Variants in ERCC2 observed in about 807,000 individuals in gnomAD.
The protein encoded by ERCC2 is ERCC excision repair 2, TFIIH core complex helicase subunit.
ERCC2 carries 90 observed loss-of-function variants against 99.4 expected under a neutral mutation model. The observed-to-expected ratio is 0.91, with a 90% CI of 0.76 to 1.08. The LOEUF (loss-of-function observed/expected upper bound fraction) is 1.08, where lower values mean the gene tolerates loss of function less well. Among genes scored for constraint, ERCC2 ranks in the 50% least tolerant of loss-of-function variants. The probability of loss-of-function intolerance (pLI) is 0.00; values close to 1 mark genes in which losing one functional copy is unlikely to be tolerated. For synonymous variants in ERCC2, 497 were observed against 432.4 expected (o/e 1.15, Z -1.85); for missense variants, 993 against 1,038.1 (o/e 0.96, Z 0.60).
At position 45,351,072 on chromosome 19, in the gene ERCC2, A is replaced by G; in HGVS notation, c.*557T>C. On this transcript the variant is annotated 3_prime_UTR_variant, in exon 23 of 23. Transcript: ENST00000391945. The stretch of plus-strand genomic sequence containing the variant: ...GGAGGCCATGTGGGTAGGTGCAGAG[A>G]TGAGGCAAAGGCAGGGCGGTCGGGC... The G allele has an allele frequency of 6.2e-7, 1 of 1,613,550 alleles. No homozygotes were observed. The highest frequency in any genetic ancestry group is 8.5e-7 in the Non-Finnish European group (1 of 1,179,736).
intron 15 of ERCC2, 86 bp from the exon 16 acceptor site, chr19:45,355,814 C>CTTTT: frequency 7.4e-6 from 5 of 678,412 alleles, no homozygotes; most frequent in South Asian, 1.7e-5. Context: ...CTGTTCTAAG[C>CTTTT]TTTTTTTTTT....
At chr19:45,359,922 G>A (rs3916830) in intron 12 of ERCC2, among the ~76,000 whole-genome samples, 3,103 of 151,392 alleles carry the variant, frequency 0.02, 103 homozygotes, top group African/African-American at 0.069. Context: ...CTATAGGTGC[G>A]TGCCACCACG....
At position 45,352,338 on chromosome 19, in the gene ERCC2, C is replaced by T. The variant is rs1971834210; in HGVS notation, c.2061G>A (p.Gly687=). Residue 687 remains glycine (G), a synonymous_variant, in exon 22 of 23, where the codon GGG becomes GGA. Coordinates refer to ENST00000391945, the MANE Select transcript of ERCC2 (RefSeq NM_000400.4). ...MVFADKRFAR[G]DKRGKLPRWI... Reference sequence around the variant, plus strand: ...AGCGGGGCAGCTTCCCCCGCTTGTCCCCACGGGCAAACCGCTGTGGGCAGA... The same window carrying T: ...AGCGGGGCAGCTTCCCCCGCTTGTCTCCACGGGCAAACCGCTGTGGGCAGA... 7 of 1,614,002 alleles carry T rather than the reference C, an allele frequency of 4.3e-6. No homozygotes were observed. Among genetic ancestry groups the T allele is most frequent in the Non-Finnish European group, 5.1e-6 (6 of 1,180,008 alleles).
intron 11 of ERCC2, among the ~76,000 whole-genome samples, chr19:45,363,396 G>A (rs1972294194): frequency 6.6e-6 from 1 of 152,094 alleles, no homozygotes; most frequent in Non-Finnish European, 1.5e-5. Flanking sequence ...CTCCCTCCCT[G>A]CCGCTGTGGC....
In ERCC2 at chr19:45,357,391, G is replaced by T; in HGVS notation, c.1378-20C>A. 1 of 1,611,382 alleles carries T rather than the reference G, an allele frequency of 6.2e-7. No homozygotes were observed. On this transcript the variant is annotated intron_variant, in intron 14 of 22. Transcript: ENST00000391945. The stretch of plus-strand genomic sequence containing the variant: ...CAGTGTCTGTGGCGGGACAGTGGGA[G>T]GGATCTCAGCAGGACTGGGCAGGGA...
At position 45,350,778 on chromosome 19, in the gene ERCC2, T is replaced by G; in HGVS notation, c.*851A>C. On this transcript the variant is annotated 3_prime_UTR_variant, in exon 23 of 23. Transcript: ENST00000391945. ...TGTTGATCAGGTCGGCAAAGAGCCC[T>G]GACATCAGCAGAATCCACAGCCCAC... is the stretch of plus-strand genomic sequence containing the variant. 6.3e-7 allele frequency: 1 copy of G among 1,581,470 alleles called. No homozygotes were observed. Among genetic ancestry groups the G allele is most frequent in the Non-Finnish European group, 8.6e-7 (1 of 1,160,450 alleles).
In ERCC2 at chr19:45,355,662, T is replaced by A. The variant is rs747830994; in HGVS notation, c.1543+3A>T. On this transcript the variant is annotated splice_donor_region_variant and intron_variant, in intron 16 of 22. Transcript: ENST00000391945. ...ACAGAAACCAGCCCCACTGGCAGCA[T>A]ACCAATATCCTCCCGGGTCTCAAAT... 1 of 1,613,856 alleles carries A rather than the reference T, an allele frequency of 6.2e-7. No individual in the cohort carries two copies. Among genetic ancestry groups the A allele is most frequent in the Non-Finnish European group, 8.5e-7 (1 of 1,179,750 alleles).
intron 17 of ERCC2, 57 bp downstream of exon 17, chr19:45,354,673 C>T: frequency 3.1e-6 from 5 of 1,606,162 alleles, no homozygotes; most frequent in Admixed American, 1.7e-5. Flanking sequence ...GCTGACATAG[C>T]GGTGCAGTGC....
At position 45,370,210 on chromosome 19, in the gene ERCC2, C is replaced by A; in HGVS notation, c.28G>T (p.Val10Phe). The change falls in exon 2 of 23, where the codon GTC becomes TTC. Residue 10 changes from valine to phenylalanine, a missense_variant. By Grantham distance (50) the Val-to-Phe change is conservative (BLOSUM62 -1). Coordinates refer to ENST00000391945, the MANE Select transcript of ERCC2 (RefSeq NM_000400.4). MKLNVDGLL[V>F]YFPYDYIYPE... is the part of the protein sequence containing the mutation. ...TAGATGTAGTCGTACGGGAAGTAGA[C>A]CAGGAGCCCGTCCACGTTGAGCCTG... 6.2e-7 allele frequency: 1 copy of A among 1,613,518 alleles called. No individual in the cohort carries two copies. Among genetic ancestry groups the A allele is most frequent in the South Asian group, 1.1e-5 (1 of 91,072 alleles).
At chr19:45,359,015 C>T in intron 12 of ERCC2, 2 of 635,944 alleles carry the variant, frequency 3.1e-6, no homozygotes, top group Non-Finnish European at 5.7e-6. Flanking sequence ...GGTGACCAAG[C>T]CAGCCTTGCC....
rs238413 is a variant in ERCC2, at chr19:45,354,609, A to G, written c.1665+121T>C. The stretch of plus-strand genomic sequence containing the variant: ...TACACCCCATTCCTACATGCTGCAC[A>G]CACTCTCCTGTCACACAGGAAACCT... On this transcript the variant is annotated intron_variant, in intron 17 of 22. Transcript: ENST00000391945. 1,261,882 of 1,286,442 alleles carry G rather than the reference A, an allele frequency of 0.98. 618,945 individuals are homozygous for G. The highest frequency in any genetic ancestry group is 1 in the East Asian group (42,665 of 42,764). 79.7% of individuals were successfully genotyped at this position (1,286,442 alleles called of 1,614,324 possible). A position where few individuals can be genotyped will look rare whatever the true frequency, so the allele number is the denominator to read the frequency against.
intron 5 of ERCC2, among the ~76,000 whole-genome samples, chr19:45,368,347 C>A (rs754498018): frequency 6.6e-6 from 1 of 152,088 alleles, no homozygotes; most frequent in South Asian, 2.1e-4. Context: ...TCCATAAATA[C>A]TGGGCTAGTA....
chr19:45,355,958 T>G (rs1971999409), intron 15 of ERCC2, among the ~76,000 whole-genome samples: 1 of 152,116 alleles, frequency 6.6e-6, no homozygotes, highest in Admixed American at 6.5e-5. Flanking sequence ...CCCAGTCTGC[T>G]CTAAACTTTT....
chr19:45,350,619 A>G lies in ERCC2; in HGVS notation c.*1010T>C, dbSNP rs1176821842. ...ACTGCATGGGCCTGGGGGACTGAGC[A>G]GCATCCCCGGCCCCTCCCCAGGCCC... On this transcript the variant is annotated 3_prime_UTR_variant, in exon 23 of 23. Coordinates refer to ENST00000391945, the MANE Select transcript of ERCC2 (RefSeq NM_000400.4). The G allele has an allele frequency of 6.2e-7, 1 of 1,612,936 alleles. No individual in the cohort carries two copies. The highest frequency in any genetic ancestry group is 1.7e-5 in the Admixed American group (1 of 60,002).
chr19:45,353,369 A>G (rs748777234), intron 17 of ERCC2, 35 bp from the exon 18 acceptor site: 2 of 1,468,368 alleles, frequency 1.4e-6, no homozygotes, highest in Admixed American at 3.5e-5. Context: ...GGGTGGGTTC[A>G]GGGCACAGCC....
At position 45,350,674 on chromosome 19, in the gene ERCC2, C is replaced by T. The variant is rs373196157; in HGVS notation, c.*955G>A. The stretch of plus-strand genomic sequence containing the variant: ...CCGCAGCAGCTCACTCTCCAAGATC[C>T]GTGAGTCTATCAGGCGAGGAAGTGA... On this transcript the variant is annotated 3_prime_UTR_variant, in exon 23 of 23. Transcript: ENST00000391945. The T allele has an allele frequency of 4.1e-5, 66 of 1,613,664 alleles. No individual in the cohort carries two copies. The East Asian group carries it at 7.8e-4, about 19-fold the overall frequency.
Position 45,350,552 on chromosome 19 carries a change from G to A in ERCC2, c.*1077C>T. On this transcript the variant is annotated 3_prime_UTR_variant, in exon 23 of 23. Transcript: ENST00000391945. ...AGGCACAGCTGGTGACGCAGAACAG[G>A]TGAGGATGGGCTGTGCTTCGGCTCC... is the stretch of plus-strand genomic sequence containing the variant. The A allele has an allele frequency of 6.2e-7, 1 of 1,613,986 alleles. No individual in the cohort carries two copies. The highest frequency in any genetic ancestry group is 8.5e-7 in the Non-Finnish European group (1 of 1,179,978).
Position 45,350,982 on chromosome 19 carries a change from C to T in ERCC2, c.*647G>A, listed in dbSNP as rs777728101. ...GAAGAGAGCCATGTCACTCAACACA[C>T]TGAACGTGGATGCTCCAAGGGCTCC... is the stretch of plus-strand genomic sequence containing the variant. On this transcript the variant is annotated 3_prime_UTR_variant, in exon 23 of 23. Transcript: ENST00000391945. 3 of 1,614,150 alleles carry T rather than the reference C, an allele frequency of 1.9e-6. No individual in the cohort carries two copies. The highest frequency in any genetic ancestry group is 1.1e-5 in the South Asian group (1 of 91,086).
chr19:45,359,805 T>C (rs1176887145), intron 12 of ERCC2, among the ~76,000 whole-genome samples: 1 of 151,532 alleles, frequency 6.6e-6, no homozygotes, highest in Non-Finnish European at 1.5e-5. Flanking sequence ...AGACAGACTC[T>C]CATTTTCACC....
Sources: gnomAD v4.1 joint callset for allele counts (sites outside exome capture counted in the v4.1 genomes callset) on GRCh38, gnomAD v4.1.1 for gene constraint, MANE v1.5 for transcripts, NCBI Gene and HGNC (gene_info 2026-07-23, HGNC 2026-07-21) for gene names.